CD6: variants seen among roughly 807,000 people sequenced by gnomAD.
CD6 encodes the protein CD6 molecule.
In CD6, 53 loss-of-function variants were observed where a neutral mutation model predicts 75.3. The ratio of observed to expected loss-of-function variants is 0.70; its 90% CI spans 0.56 to 0.88. The LOEUF (loss-of-function observed/expected upper bound fraction) is 0.88, where lower values mean the gene tolerates loss of function less well. CD6 is among the 40% of genes least tolerant of loss of function. The pLI is 0.00. For missense variants in CD6, 770 were observed against 897.1 expected (o/e 0.86, Z 1.81); for synonymous variants, 359 against 381.5 (o/e 0.94, Z 0.69).
intron 1 of CD6, among the ~76,000 whole-genome samples, chr11:60,977,943 T>C (rs1254161295): frequency 6.6e-6 from 1 of 152,188 alleles, no homozygotes; most frequent in Non-Finnish European, 1.5e-5. Flanking sequence ...TAAAACAATG[T>C]TACTAAATTC....
Position 61,019,286 on chromosome 11 carries a change from A to C in CD6, c.1975A>C (p.Asn659His). The C allele has an allele frequency of 1.2e-6, 2 of 1,610,776 alleles. No individual in the cohort carries two copies. The highest frequency in any genetic ancestry group is 1.7e-6 in the Non-Finnish European group (2 of 1,179,812). ...SPSPQPDSTD[N>H]DDYDDISAA ...CAGCCCTCAGCCTGACTCCACCGAC[A>C]ACGATGACTACGATGACATCAGCGC... The change falls in exon 13 of 13, where the codon AAC (asparagine) becomes CAC (histidine). Residue 659 changes from asparagine to histidine, a missense_variant. Physicochemically the swap from Asn to His is moderately conservative, Grantham distance 68. Coordinates refer to ENST00000313421, the MANE Select transcript of CD6 (RefSeq NM_006725.5).
chr11:61,012,899 A>T (rs1360149442), intron 6 of CD6, among the ~76,000 whole-genome samples: 2 of 152,192 alleles, frequency 1.3e-5, no homozygotes, highest in African/African-American at 4.8e-5. Flanking sequence ...GTCTCTGGGA[A>T]GTCAGCGTTG....
chr11:60,985,334 C>T lies in CD6; in HGVS notation c.49+13420C>T, dbSNP rs185658157. On this transcript the variant is annotated intron_variant, in intron 1 of 12. Transcript: ENST00000313421. Reference sequence around the variant, plus strand: ...AAGTAGCTGGGATTACAGGCATGCACCACCATTGCCTGGCTAATTTTTGTA... The same window carrying T: ...AAGTAGCTGGGATTACAGGCATGCATCACCATTGCCTGGCTAATTTTTGTA... 2.6e-5 allele frequency among the ~76,000 whole-genome samples: 4 copies of T among 151,868 alleles called. No individual in the cohort carries two copies. The East Asian group carries it at 5.8e-4, about 22-fold the overall frequency.
chr11:61,008,783 G>C lies in CD6; in HGVS notation c.719G>C (p.Cys240Ser). Reference sequence around the variant, plus strand: ...GGGGCCGAAGCTTACCTGTGGGACTGCCCGGGGCTGCCAGGACAGCACTAC... The same window carrying C: ...GGGGCCGAAGCTTACCTGTGGGACTCCCCGGGGCTGCCAGGACAGCACTAC... ...CSGAEAYLWD[C>S]PGLPGQHYCG... The change falls in exon 4 of 13, where the codon TGC becomes TCC. Residue 240 changes from cysteine (C) to serine (S), a missense_variant. By Grantham distance (112) the Cys-to-Ser change is moderately radical. Transcript: ENST00000313421. 6.3e-7 allele frequency: 1 copy of C among 1,592,956 alleles called. No individual in the cohort carries two copies. The highest frequency in any genetic ancestry group is 8.6e-7 in the Non-Finnish European group (1 of 1,166,950).
intron 8 of CD6, among the ~76,000 whole-genome samples, chr11:61,014,797 T>C (rs1590726309): frequency 6.6e-6 from 1 of 152,234 alleles, no homozygotes; most frequent in East Asian, 1.9e-4. Context: ...TTTATACCTC[T>C]TGCAGAGGAA....
intron 5 of CD6, 84 bp from the exon 6 acceptor site, chr11:61,010,986 C>A: frequency 4.8e-6 from 6 of 1,259,986 alleles, no homozygotes; most frequent in Non-Finnish European, 7.0e-6. Flanking sequence ...ACTTGTCTGT[C>A]CCATTCAGTT....
Position 61,019,920 on chromosome 11 carries a change from C to A in CD6, c.*602C>A. 1 of 387,080 alleles carries A rather than the reference C, an allele frequency of 2.6e-6. No individual in the cohort carries two copies. Among genetic ancestry groups the A allele is most frequent in the Non-Finnish European group, 4.6e-6 (1 of 219,308 alleles). The allele number at this position is 387,080 out of a possible 1,614,324, so 24.0% of individuals were successfully genotyped here. On this transcript the variant is annotated 3_prime_UTR_variant, in exon 13 of 13. Coordinates refer to ENST00000313421, the MANE Select transcript of CD6 (RefSeq NM_006725.5). Reference sequence around the variant, plus strand: ...ATATAGCCTTCCTGGGCACAACTAGCTGACAATGACAGGTTGACTGTGTAC... The same window carrying A: ...ATATAGCCTTCCTGGGCACAACTAGATGACAATGACAGGTTGACTGTGTAC...
intron 1 of CD6, among the ~76,000 whole-genome samples, chr11:60,993,530 G>GT (rs5792213): frequency 0.16 from 24,721 of 151,904 alleles, 2,555 homozygotes; most frequent in South Asian, 0.23. Flanking sequence ...TCACCCACCC[G>GT]TGCACTCTTC....
chr11:61,010,331 G>A (rs1315590481), intron 5 of CD6, among the ~76,000 whole-genome samples: 1 of 152,024 alleles, frequency 6.6e-6, no homozygotes, highest in Admixed American at 6.5e-5. Context: ...ACCATATCTC[G>A]CCAAATCTAA....
chr11:60,979,580 C>T (rs574257864), intron 1 of CD6, among the ~76,000 whole-genome samples: 1 of 152,202 alleles, frequency 6.6e-6, no homozygotes, highest in South Asian at 2.1e-4. Context: ...AATTCTCCTG[C>T]CTCAGCCTCC....
rs141692642 is a variant in CD6 at position 60,998,201 on chromosome 11, A to G, written c.50-8373A>G. Among the ~76,000 whole-genome samples the G allele has an allele frequency of 4.6e-5, 7 of 152,282 alleles. No individual in the cohort carries two copies. In the East Asian group the frequency reaches 1.2e-3, roughly 25 times the overall value. ...CTTGGGTGATTTACTTAAGCTCTCTATGTCCCAGTTTTCTCAGTGATGACA... is the reference window on the plus strand; with the variant it reads ...CTTGGGTGATTTACTTAAGCTCTCTGTGTCCCAGTTTTCTCAGTGATGACA... On this transcript the variant is annotated intron_variant, in intron 1 of 12. Coordinates refer to ENST00000313421, the MANE Select transcript of CD6 (RefSeq NM_006725.5).
At chr11:60,993,870 C>T (rs1858164401) in intron 1 of CD6, among the ~76,000 whole-genome samples, 2 of 152,214 alleles carry the variant, frequency 1.3e-5, no homozygotes, top group African/African-American at 4.8e-5. Context: ...TGGCAACAGA[C>T]TCATTTCTCA....
At chr11:60,974,694 A>C (rs892685245) in intron 1 of CD6, among the ~76,000 whole-genome samples, 7 of 152,222 alleles carry the variant, frequency 4.6e-5, no homozygotes, top group African/African-American at 1.7e-4. Flanking sequence ...TTTCCTGATC[A>C]GCCAACTAAG....
intron 8 of CD6, 32 bp from the exon 9 acceptor site, chr11:61,015,681 T>G: frequency 6.2e-7 from 1 of 1,613,006 alleles, no homozygotes; most frequent in Non-Finnish European, 8.5e-7. Context: ...GCCCACCACT[T>G]TGCCATGCCC....
chr11:61,011,179 G>C (rs564584694), intron 6 of CD6, 44 bp downstream of exon 6: 3 of 774,880 alleles, frequency 3.9e-6, no homozygotes, highest in Admixed American at 6.0e-5. Flanking sequence ...AAGCTTGGAC[G>C]TGTGTGTGTG....
At chr11:60,987,868 G>C (rs74637559) in intron 1 of CD6, 1 of 152,160 alleles carries the variant, frequency 6.6e-6, no homozygotes. Context: ...ATTTATAACT[G>C]ATCGTAATCA....
At chr11:61,000,289 T>A (rs1394880738) in intron 1 of CD6, among the ~76,000 whole-genome samples, 2 of 149,166 alleles carry the variant, frequency 1.3e-5, no homozygotes, top group African/African-American at 2.5e-5. Flanking sequence ...GCTGTTGGCA[T>A]CTGTGTTTGC....
chr11:60,981,701 A>C (rs1402271306), intron 1 of CD6, among the ~76,000 whole-genome samples: 2 of 152,196 alleles, frequency 1.3e-5, no homozygotes, highest in Admixed American at 1.3e-4. Context: ...CAGGGACAAC[A>C]GACGGAGGCA....
chr11:61,008,817 C>A lies in CD6; in HGVS notation c.753C>A (p.His251Gln). Residue 251 changes from histidine (H) to glutamine (Q), a missense_variant, in exon 4 of 13, where the codon CAC becomes CAA. His to Gln is a conservative substitution (Grantham distance 24, BLOSUM62 0). Transcript: ENST00000313421. The part of the protein sequence containing the change: ...PGLPGQHYCG[H>Q]KEDAGAVCSE... ...TGCCAGGACAGCACTACTGCGGCCA[C>A]AAAGAGGACGCGGGCGCGGTGTGCT... is the stretch of plus-strand genomic sequence containing the variant. 6.4e-7 allele frequency: 1 copy of A among 1,562,932 alleles called. No homozygotes were observed. The highest frequency in any genetic ancestry group is 8.7e-7 in the Non-Finnish European group (1 of 1,151,916).
Sources: gnomAD v4.1 joint callset for allele counts (sites outside exome capture counted in the v4.1 genomes callset) on GRCh38, gnomAD v4.1.1 for gene constraint, MANE v1.5 for transcripts, NCBI Gene and HGNC (gene_info 2026-07-23, HGNC 2026-07-21) for gene names.